The following PTPN14 variants were observed in gnomAD, a reference collection of about 807,000 sequenced individuals.
PTPN14 encodes protein tyrosine phosphatase non-receptor type 14.
PTPN14 carries 53 observed loss-of-function variants against 126.8 expected under a neutral mutation model. That is an observed-to-expected ratio of 0.42 (90% confidence interval 0.34 to 0.53). The LOEUF is 0.53. Among genes scored for constraint, PTPN14 ranks in the 20% least tolerant of loss-of-function variants. The pLI, the probability that PTPN14 is intolerant of heterozygous loss-of-function variation, is 0.08. For synonymous variants in PTPN14, 630 were observed against 599.3 expected (o/e 1.05, Z -0.75); for missense variants, 1,257 against 1,552.9 (o/e 0.81, Z 3.20).
intron 1 of PTPN14, among the ~76,000 whole-genome samples, chr1:214,494,058 TTCTC>T (rs1037939196): frequency 2.0e-5 from 3 of 152,054 alleles, no homozygotes; most frequent in Non-Finnish European, 4.4e-5. Context: ...CCTTTTCCTC[TTCTC>T]TCTTTCTTTC....
At chr1:214,442,124 A>C (rs1027564199) in intron 3 of PTPN14, among the ~76,000 whole-genome samples, 1 of 152,226 alleles carries the variant, frequency 6.6e-6, no homozygotes, top group Non-Finnish European at 1.5e-5. Flanking sequence ...TAACACATTA[A>C]CCATGTGATT....
At chr1:214,401,956 T>C (rs751230883) in intron 6 of PTPN14, among the ~76,000 whole-genome samples, 184 bp from the exon 7 acceptor site, 2 of 152,176 alleles carry the variant, frequency 1.3e-5, no homozygotes, top group Non-Finnish European at 2.9e-5. Flanking sequence ...CAGTAGCCTT[T>C]TACTTAACAG....
rs1193197006 is a variant in PTPN14 at position 214,372,779 on chromosome 1, A to T, written c.2968T>A (p.Cys990Ser). Residue 990 changes from cysteine to serine, a missense_variant, in exon 16 of 19, where the codon TGC becomes AGC. Physicochemically the swap from Cys to Ser is moderately radical, Grantham distance 112. Transcript: ENST00000366956. ...CACACCATCTGCCAGAAGTCGTGGC[A>T]CGTGTGTGGCAGGGGCCCCTGGGTG... is the stretch of plus-strand genomic sequence containing the variant. ...IATQGPLPHT[C>S]HDFWQMVWEQ... 8 of 1,614,194 alleles carry T rather than the reference A, an allele frequency of 5.0e-6. No homozygotes were observed. Among genetic ancestry groups the T allele is most frequent in the Non-Finnish European group, 6.8e-6 (8 of 1,180,028 alleles).
Position 214,394,903 on chromosome 1 carries a change from T to C in PTPN14, c.842A>G (p.His281Arg). ...CTGTTTGTCTGTTGTGCTTACCGTG[T>C]GAAAGAGGGCAGTCTCTTCTTTGTT... ...LINKEETALF[H>R]TDDIENAKYI... Residue 281 changes from histidine (H) to arginine (R), a missense_variant, in exon 9 of 19, where the codon CAC (histidine) becomes CGC (arginine). By Grantham distance (29) the His-to-Arg change is conservative. Coordinates refer to ENST00000366956, the MANE Select transcript of PTPN14 (RefSeq NM_005401.5). 6.2e-7 allele frequency: 1 copy of C among 1,611,828 alleles called. No individual in the cohort carries two copies. Among genetic ancestry groups the C allele is most frequent in the South Asian group, 1.1e-5 (1 of 90,980 alleles).
At chr1:214,405,365 G>T (rs1659140876) in intron 5 of PTPN14, among the ~76,000 whole-genome samples, 1 of 152,098 alleles carries the variant, frequency 6.6e-6, no homozygotes, top group Admixed American at 6.6e-5. Flanking sequence ...CTCTATCAGA[G>T]TACAGGCTCC....
intron 2 of PTPN14, 150 bp from the exon 3 acceptor site, chr1:214,452,124 T>A: frequency 1.2e-6 from 1 of 816,172 alleles, no homozygotes. Flanking sequence ...TTGGGACTAA[T>A]CAAAAGAAAC....
intron 11 of PTPN14, among the ~76,000 whole-genome samples, chr1:214,387,492 C>T (rs1367235640): frequency 1.3e-5 from 2 of 151,966 alleles, no homozygotes; most frequent in South Asian, 2.1e-4. Flanking sequence ...GGTTGGGCAA[C>T]AGATTGAGAC....
At chr1:214,493,527 A>G (rs556589827) in intron 1 of PTPN14, among the ~76,000 whole-genome samples, 1 of 152,340 alleles carries the variant, frequency 6.6e-6, no homozygotes, top group Admixed American at 6.5e-5. Context: ...TGTACCCACA[A>G]AAATTAAAAA....
intron 1 of PTPN14, among the ~76,000 whole-genome samples, chr1:214,549,705 T>C (rs977228519): frequency 6.6e-6 from 1 of 152,172 alleles, no homozygotes; most frequent in Non-Finnish European, 1.5e-5. Context: ...GAAGAATCAA[T>C]ACCATTTTAA....
chr1:214,436,913 A>C (rs1425508522), intron 3 of PTPN14, among the ~76,000 whole-genome samples: 2 of 152,102 alleles, frequency 1.3e-5, no homozygotes, highest in African/African-American at 4.8e-5. Flanking sequence ...ATGCATGCAA[A>C]TGCAACACAC....
chr1:214,431,027 AAGGAAAG>A (rs1231727080), intron 3 of PTPN14, among the ~76,000 whole-genome samples: 1 of 152,204 alleles, frequency 6.6e-6, no homozygotes, highest in Admixed American at 6.5e-5. Context: ...CTAAGGCAAG[AAGGAAAG>A]AGGAAAAGGG....
chr1:214,501,391 C>G (rs1654694561), intron 1 of PTPN14, among the ~76,000 whole-genome samples: 1 of 152,050 alleles, frequency 6.6e-6, no homozygotes, highest in South Asian at 2.1e-4. Context: ...AGGTGCCCAC[C>G]ACCACACCCT....
chr1:214,514,842 T>C (rs1001160960), intron 1 of PTPN14, among the ~76,000 whole-genome samples: 1 of 152,152 alleles, frequency 6.6e-6, no homozygotes, highest in African/African-American at 2.4e-5. Flanking sequence ...GTTGAGAGAA[T>C]TGAACAAAGC....
At chr1:214,412,194 C>A (rs1473007871) in intron 4 of PTPN14, among the ~76,000 whole-genome samples, 1 of 152,180 alleles carries the variant, frequency 6.6e-6, no homozygotes, top group Non-Finnish European at 1.5e-5. Context: ...TGGCAAGCAA[C>A]CTCAAATATC....
intron 1 of PTPN14, among the ~76,000 whole-genome samples, chr1:214,495,977 G>A (rs1027812601): frequency 2.6e-5 from 4 of 152,080 alleles, no homozygotes; most frequent in Non-Finnish European, 4.4e-5. Context: ...TTACAGACAT[G>A]AGCCACCACA....
At chr1:214,520,263 CTCTTT>C (rs150720518) in intron 1 of PTPN14, among the ~76,000 whole-genome samples, 266 of 151,846 alleles carry the variant, frequency 1.8e-3, no homozygotes, top group African/African-American at 6.3e-3. Flanking sequence ...AGAAACTGTC[CTCTTT>C]TCTTTTGATT....
chr1:214,453,101 T>C (rs1194078202), intron 2 of PTPN14, among the ~76,000 whole-genome samples: 1 of 152,186 alleles, frequency 6.6e-6, no homozygotes, highest in African/African-American at 2.4e-5. Flanking sequence ...TTAAAGATAT[T>C]TTAAATGGAT....
intron 1 of PTPN14, chr1:214,532,401 A>C: frequency 2.9e-6 from 2 of 682,744 alleles, no homozygotes; most frequent in East Asian, 3.0e-5. Context: ...CCTGGCAGGA[A>C]TAGGAGGCAT....
intron 1 of PTPN14, among the ~76,000 whole-genome samples, chr1:214,487,886 T>C (rs983347778): frequency 4.6e-5 from 7 of 152,154 alleles, no homozygotes; most frequent in Admixed American, 4.6e-4. Flanking sequence ...AATAGCTGCA[T>C]TTGAGAGAGA....
Sources: gnomAD v4.1 joint callset for allele counts (sites outside exome capture counted in the v4.1 genomes callset) on GRCh38, gnomAD v4.1.1 for gene constraint, MANE v1.5 for transcripts, NCBI Gene and HGNC (gene_info 2026-07-23, HGNC 2026-07-21) for gene names.